Variants in LUZP2 observed in about 807,000 individuals in gnomAD.
LUZP2 encodes leucine zipper protein 2.
Under a neutral mutation model 51.6 loss-of-function variants are expected in LUZP2, and 52 were observed. The observed-to-expected ratio is 1.01, with a 90% CI of 0.81 to 1.27. The LOEUF is 1.27. Among genes scored for constraint, LUZP2 ranks in the 50% most tolerant of loss-of-function variants. The probability of loss-of-function intolerance (pLI) is 0.00; values close to 1 mark genes in which losing one functional copy is unlikely to be tolerated. For synonymous variants in LUZP2, 154 were observed against 137.3 expected, an observed-to-expected ratio of 1.12 and a Z score of -0.85; for missense variants, 436 against 395.4, an observed-to-expected ratio of 1.10 and a Z score of -0.87.
intron 1 of LUZP2, among the ~76,000 whole-genome samples, chr11:24,648,094 T>C (rs1454240324): frequency 6.6e-6 from 1 of 152,004 alleles, no homozygotes; most frequent in African/African-American, 2.4e-5. Context: ...AAGTGTTAGA[T>C]TCATGTTCAA....
chr11:24,888,751 G>C (rs1314311749), intron 5 of LUZP2, among the ~76,000 whole-genome samples: 1 of 152,134 alleles, frequency 6.6e-6, no homozygotes, highest in African/African-American at 2.4e-5. Context: ...TCAAGGGAGA[G>C]ACCAGGTGGA....
At chr11:24,543,097 G>A (rs1851431766) in intron 1 of LUZP2, among the ~76,000 whole-genome samples, 1 of 151,856 alleles carries the variant, frequency 6.6e-6, no homozygotes, top group Non-Finnish European at 1.5e-5. Flanking sequence ...GGGAGATTTG[G>A]TTTTATTTAT....
chr11:24,866,199 A>G, intron 5 of LUZP2, among the ~76,000 whole-genome samples: 1 of 151,720 alleles, frequency 6.6e-6, no homozygotes, highest in East Asian at 1.9e-4. Flanking sequence ...CTTCTTTACA[A>G]ATCTTCATGA....
intron 1 of LUZP2, among the ~76,000 whole-genome samples, chr11:24,581,675 ATAAATAT>A: frequency 2.8e-4 from 1 of 3,536 alleles, no homozygotes; most frequent in East Asian, 0.1. Flanking sequence ...TGTCTAAAAT[ATAAATAT>A]AAATATAAAT....
At chr11:24,632,596 C>G (rs1037901269) in intron 1 of LUZP2, among the ~76,000 whole-genome samples, 3 of 151,938 alleles carry the variant, frequency 2.0e-5, no homozygotes, top group Admixed American at 2.0e-4. Context: ...TTAATCAGCA[C>G]ATGAAAATTC....
intron 1 of LUZP2, among the ~76,000 whole-genome samples, chr11:24,559,246 T>C (rs1230380243): frequency 6.6e-6 from 1 of 152,100 alleles, no homozygotes; most frequent in East Asian, 1.9e-4. Context: ...TGTGTTAAAT[T>C]ATAAAGTCCT....
chr11:24,986,537 CTGTGTGTGTGTGTG>C (rs61367765), intron 9 of LUZP2, among the ~76,000 whole-genome samples: 1 of 145,718 alleles, frequency 6.9e-6, no homozygotes, highest in East Asian at 2.0e-4. Flanking sequence ...TAGCATGCCT[CTGTGTGTGTGTGTG>C]TGTGTGTGTG....
chr11:24,922,470 A>C (rs1196101348), intron 7 of LUZP2, among the ~76,000 whole-genome samples: 2 of 152,152 alleles, frequency 1.3e-5, no homozygotes, highest in African/African-American at 2.4e-5. Flanking sequence ...ATTTTTGTGC[A>C]TCTGTCTCAT....
chr11:25,042,860 T>C (rs1858116377), intron 9 of LUZP2, among the ~76,000 whole-genome samples: 1 of 152,152 alleles, frequency 6.6e-6, no homozygotes, highest in Non-Finnish European at 1.5e-5. Context: ...AACATAATAA[T>C]CCAGGATCCT....
At chr11:24,714,110 AATG>A (rs898377822) in intron 1 of LUZP2, among the ~76,000 whole-genome samples, 4 of 152,102 alleles carry the variant, frequency 2.6e-5, no homozygotes, top group African/African-American at 9.7e-5. Flanking sequence ...TTTATATTAT[AATG>A]ATGATTTAAA....
rs1171615196 is a variant in LUZP2 at position 24,880,019 on chromosome 11, T to A, written c.397-25972T>A. Among the ~76,000 whole-genome samples, 3 of 152,190 alleles carry A rather than the reference T, an allele frequency of 2.0e-5. No homozygotes were observed. The East Asian group carries it at 5.8e-4, about 29-fold the overall frequency. ...ACCGTCTCTGAGCCCAGCTCAGCAA[T>A]AGGGCTTGCCTAGGAGTTGTAGTCC... is the stretch of plus-strand genomic sequence containing the variant. On this transcript the variant is annotated intron_variant, in intron 5 of 11. Transcript: ENST00000336930.
At chr11:24,903,975 A>G (rs1180851355) in intron 5 of LUZP2, among the ~76,000 whole-genome samples, 1 of 152,118 alleles carries the variant, frequency 6.6e-6, no homozygotes, top group African/African-American at 2.4e-5. Flanking sequence ...GATTTCATTT[A>G]TTTTTGATAT....
chr11:24,636,447 T>A (rs1855110085), intron 1 of LUZP2, among the ~76,000 whole-genome samples: 1 of 152,184 alleles, frequency 6.6e-6, no homozygotes, highest in African/African-American at 2.4e-5. Context: ...CACTCTGTTA[T>A]AAAATGAGTG....
At chr11:24,632,536 C>T (rs1854932277) in intron 1 of LUZP2, among the ~76,000 whole-genome samples, 1 of 151,932 alleles carries the variant, frequency 6.6e-6, no homozygotes, top group Non-Finnish European at 1.5e-5. Flanking sequence ...AATGTATGGC[C>T]TTAGGAATCC....
At chr11:24,818,011 G>A (rs1489585979) in intron 5 of LUZP2, among the ~76,000 whole-genome samples, 5 of 152,024 alleles carry the variant, frequency 3.3e-5, no homozygotes. Context: ...CAAGCATGGG[G>A]CATCTTGTAA....
At chr11:24,671,271 C>T (rs973308328) in intron 1 of LUZP2, among the ~76,000 whole-genome samples, 1 of 151,804 alleles carries the variant, frequency 6.6e-6, no homozygotes, top group Admixed American at 6.6e-5. Context: ...TTATTTACAG[C>T]AGTTTTAGCA....
At chr11:24,498,775 C>T (rs889906672) in intron 1 of LUZP2, among the ~76,000 whole-genome samples, 38 of 152,140 alleles carry the variant, frequency 2.5e-4, no homozygotes, top group Non-Finnish European at 5.0e-4. Flanking sequence ...GTGATTTAGT[C>T]TTCTAGAGAA....
chr11:24,899,166 T>A (rs1488329417), intron 5 of LUZP2, among the ~76,000 whole-genome samples: 2 of 152,172 alleles, frequency 1.3e-5, no homozygotes, highest in Non-Finnish European at 2.9e-5. Flanking sequence ...AATGACCTCA[T>A]CAGGGATACC....
intron 5 of LUZP2, among the ~76,000 whole-genome samples, chr11:24,897,912 A>C (rs546433694): frequency 2.0e-5 from 3 of 152,220 alleles, no homozygotes; most frequent in Non-Finnish European, 2.9e-5. Flanking sequence ...ATGGATTCCT[A>C]CGCTTTCTGG....
Sources: allele counts gnomAD v4.1 joint callset (sites outside exome capture counted in the v4.1 genomes callset), GRCh38; gene constraint gnomAD v4.1.1; transcripts MANE v1.5; gene names NCBI Gene and HGNC (gene_info 2026-07-23, HGNC 2026-07-21).